C6orf163: variants seen among roughly 807,000 people sequenced by gnomAD.
The protein encoded by C6orf163 is uncharacterized protein C6orf163.
C6orf163 carries 22 observed loss-of-function variants against 28.4 expected under a neutral mutation model. The ratio of observed to expected loss-of-function variants is 0.78; its 90% CI spans 0.55 to 1.11. The LOEUF is 1.11. Ranked by LOEUF, C6orf163 falls within the 50% of genes least tolerant of loss-of-function variation. The pLI, the probability that C6orf163 is intolerant of heterozygous loss-of-function variation, is 0.00. For synonymous variants in C6orf163, 110 were observed against 123.6 expected, an observed-to-expected ratio of 0.89 and a Z score of 0.73; for missense variants, 342 against 389.1, an observed-to-expected ratio of 0.88 and a Z score of 1.02.
At chr6:87,359,264 T>C (rs1777548549) in intron 4 of C6orf163, 1 of 152,266 alleles carries the variant, frequency 6.6e-6, no homozygotes, top group Non-Finnish European at 1.5e-5. Context: ...GAGGTCCCAC[T>C]TGTGAGAGAG....
At chr6:87,362,354 G>A (rs1777592685) in intron 4 of C6orf163, among the ~76,000 whole-genome samples, 1 of 152,162 alleles carries the variant, frequency 6.6e-6, no homozygotes, top group African/African-American at 2.4e-5. Context: ...GTGCACACTT[G>A]TAATCCCAGA....
rs1777629967 is a variant in C6orf163, at chr6:87,365,319, G to T, written c.913G>T (p.Ala305Ser). ...YTFPKLSPGH[A>S]DFILPERKKT... ...CTTTCCTAAGCTTTCACCAGGACAT[G>T]CAGATTTTATTCTGCCAGAAAGAAA... The change falls in exon 5 of 5, where the codon GCA (alanine) becomes TCA (serine). Residue 305 changes from alanine (A) to serine (S), a missense_variant. By Grantham distance (99) the Ala-to-Ser change is moderately conservative. Transcript: ENST00000388923. 1.3e-6 allele frequency: 2 copies of T among 1,551,478 alleles called. No homozygotes were observed.
chr6:87,355,630 A>C (rs1485008244), intron 3 of C6orf163, among the ~76,000 whole-genome samples: 2 of 152,168 alleles, frequency 1.3e-5, no homozygotes, highest in African/African-American at 4.8e-5. Context: ...CCTCCTCTTT[A>C]TAATGTTATA....
intron 4 of C6orf163, among the ~76,000 whole-genome samples, chr6:87,360,957 G>A (rs1353331985): frequency 6.6e-6 from 1 of 152,114 alleles, no homozygotes; most frequent in Non-Finnish European, 1.5e-5. Flanking sequence ...ACAACTTCAG[G>A]GAACTCATCA....
rs1056174252 is a variant in C6orf163, at chr6:87,365,279, A to G, written c.873A>G (p.Lys291=). ...AGGAAACCAGGATGGCATTTCAAAAATACATCAATTATACCTTTCCTAAGC... is the reference window on the plus strand; with the variant it reads ...AGGAAACCAGGATGGCATTTCAAAAGTACATCAATTATACCTTTCCTAAGC... ...ELQETRMAFQ[K]YINYTFPKLS... is the part of the protein sequence containing the mutation. The change falls in exon 5 of 5, where the codon AAA becomes AAG. Residue 291 remains lysine, a synonymous_variant. Coordinates refer to ENST00000388923, the MANE Select transcript of C6orf163 (RefSeq NM_001010868.3). 1.3e-6 allele frequency: 2 copies of G among 1,551,590 alleles called. No homozygotes were observed. The highest frequency in any genetic ancestry group is 1.7e-6 in the Non-Finnish European group (2 of 1,146,982).
intron 4 of C6orf163, chr6:87,357,224 T>C (rs1288774122): frequency 6.6e-6 from 1 of 152,226 alleles, no homozygotes; most frequent in Non-Finnish European, 1.5e-5. Context: ...TTTCTATATA[T>C]GTAATGATTC....
Position 87,348,097 on chromosome 6 carries a change from G to A in C6orf163, c.149-715G>A, listed in dbSNP as rs912939986. On this transcript the variant is annotated intron_variant, in intron 1 of 4. Coordinates refer to ENST00000388923, the MANE Select transcript of C6orf163 (RefSeq NM_001010868.3). ...CTTGAAACGGGAGGCGGAGGTTGCA[G>A]TGAGCCGAAATGGCGACACTGCACT... is the stretch of plus-strand genomic sequence containing the variant. The A allele has an allele frequency of 1.3e-5, 9 of 707,012 alleles. No homozygotes were observed. In the African/African-American group the frequency reaches 1.4e-4, roughly 11 times the overall value. 43.8% of individuals were successfully genotyped at this position (707,012 alleles called of 1,614,324 possible).
At chr6:87,348,445 G>A in intron 1 of C6orf163, 1 of 997,180 alleles carries the variant, frequency 1.0e-6, no homozygotes, top group East Asian at 1.1e-4. Flanking sequence ...CACCCAAATA[G>A]GAACAGGGAG....
chr6:87,346,731 G>A (rs1409522810), intron 1 of C6orf163, among the ~76,000 whole-genome samples: 2 of 152,124 alleles, frequency 1.3e-5, no homozygotes, highest in Non-Finnish European at 2.9e-5. Context: ...CAGACCCACT[G>A]GATTTAATAC....
At chr6:87,348,980 TGTATA>T in intron 2 of C6orf163, 74 bp downstream of exon 2, 1 of 1,515,124 alleles carries the variant, frequency 6.6e-7, no homozygotes, top group East Asian at 2.5e-5. Flanking sequence ...CTGAAACAAT[TGTATA>T]GTGTAGTAGT....
chr6:87,348,219 T>G (rs2127930075), intron 1 of C6orf163: 1 of 984,390 alleles, frequency 1.0e-6, no homozygotes, highest in East Asian at 1.1e-4. Context: ...TCCTCTAGCC[T>G]CTCTAGACTT....
At chr6:87,359,091 T>C (rs917780033) in intron 4 of C6orf163, 14 of 152,302 alleles carry the variant, frequency 9.2e-5, no homozygotes, top group Non-Finnish European at 1.9e-4. Context: ...CACTAGAGCA[T>C]GGCTGCCCCC....
chr6:87,364,399 G>C (rs1777618024), intron 4 of C6orf163, among the ~76,000 whole-genome samples: 1 of 152,028 alleles, frequency 6.6e-6, no homozygotes, highest in African/African-American at 2.4e-5. Flanking sequence ...TTATATAACT[G>C]TTAATGTCAA....
chr6:87,362,944 G>T (rs1166797844), intron 4 of C6orf163, among the ~76,000 whole-genome samples: 2 of 152,162 alleles, frequency 1.3e-5, no homozygotes, highest in Non-Finnish European at 2.9e-5. Context: ...TATCACAGTG[G>T]CTAAGAGCTT....
At chr6:87,346,432 T>G (rs377067090) in intron 1 of C6orf163, among the ~76,000 whole-genome samples, 4 of 152,240 alleles carry the variant, frequency 2.6e-5, no homozygotes, top group African/African-American at 9.6e-5. Context: ...ATCTCCATTC[T>G]TAGATATACC....
In C6orf163 at chr6:87,350,404, G is replaced by C; in HGVS notation, c.254G>C (p.Arg85Pro). The change falls in exon 3 of 5, where the codon CGT becomes CCT. Residue 85 changes from arginine to proline, a missense_variant. Coordinates refer to ENST00000388923, the MANE Select transcript of C6orf163 (RefSeq NM_001010868.3). ...EAEVWAQANE[R>P]QKQAVEKALE... Reference sequence around the variant, plus strand: ...CTCTTTCTTTCAAAGGCTAATGAACGTCAAAAACAAGCAGTGGAGAAAGCA... The same window carrying C: ...CTCTTTCTTTCAAAGGCTAATGAACCTCAAAAACAAGCAGTGGAGAAAGCA... 4 of 1,530,082 alleles carry C rather than the reference G, an allele frequency of 2.6e-6. No individual in the cohort carries two copies. Among genetic ancestry groups the C allele is most frequent in the Non-Finnish European group, 3.5e-6 (4 of 1,142,346 alleles). The allele number at this position is 1,530,082 out of a possible 1,614,324, so 94.8% of individuals were successfully genotyped here. A position where few individuals can be genotyped will look rare whatever the true frequency, so the allele number is the denominator to read the frequency against.
At chr6:87,362,271 G>A (rs1417403421) in intron 4 of C6orf163, among the ~76,000 whole-genome samples, 3 of 152,168 alleles carry the variant, frequency 2.0e-5, no homozygotes, top group Non-Finnish European at 4.4e-5. Context: ...AACGTTAGGA[G>A]TTCAAGACCA....
At chr6:87,364,009 T>C (rs1777613514) in intron 4 of C6orf163, among the ~76,000 whole-genome samples, 1 of 151,976 alleles carries the variant, frequency 6.6e-6, no homozygotes, top group African/African-American at 2.4e-5. Context: ...TTAGGCTGGG[T>C]ACAGTGGCTT....
intron 3 of C6orf163, among the ~76,000 whole-genome samples, 164 bp downstream of exon 3, chr6:87,350,665 T>C (rs927616748): frequency 5.3e-5 from 8 of 152,214 alleles, no homozygotes; most frequent in African/African-American, 1.4e-4. Context: ...CTGAGCTCTC[T>C]AGAGCAGTGA....
Sources: allele counts gnomAD v4.1 joint callset (sites outside exome capture counted in the v4.1 genomes callset), GRCh38; gene constraint gnomAD v4.1.1; transcripts MANE v1.5; gene names NCBI Gene and HGNC (gene_info 2026-07-23, HGNC 2026-07-21).